NTRK1: variants seen among roughly 807,000 people sequenced by gnomAD.
NTRK1 encodes the protein neurotrophic receptor tyrosine kinase 1, also known as high affinity nerve growth factor receptor.
Under a neutral mutation model 86.8 loss-of-function variants are expected in NTRK1, and 62 were observed. The ratio of observed to expected loss-of-function variants is 0.71; its 90% confidence interval spans 0.58 to 0.88. The LOEUF (loss-of-function observed/expected upper bound fraction) is 0.88, where lower values mean the gene tolerates loss of function less well. NTRK1 is among the 40% of genes least tolerant of loss of function. The probability of loss-of-function intolerance (pLI) is 0.00; values close to 1 mark genes in which losing one functional copy is unlikely to be tolerated. For missense variants in NTRK1, 967 were observed against 1,078.4 expected, an observed-to-expected ratio of 0.90 and a Z score of 1.45; for synonymous variants, 469 against 456.6, an observed-to-expected ratio of 1.03 and a Z score of -0.35.
intron 1 of NTRK1, among the ~76,000 whole-genome samples, chr1:156,821,658 G>A (rs772146047): frequency 4.6e-5 from 7 of 152,230 alleles, no homozygotes; most frequent in South Asian, 2.1e-4. Context: ...CAATGTTACT[G>A]CATTGGCTAC....
intron 2 of NTRK1, chr1:156,851,491 G>A (rs781691038): frequency 2.5e-6 from 4 of 1,609,730 alleles, no homozygotes; most frequent in Non-Finnish European, 3.4e-6. Context: ...GGTCTGTGGG[G>A]CAAGGGGGCT....
Position 156,876,441 on chromosome 1 carries a change from G to T in NTRK1, c.1674G>T (p.Gln558His), listed in dbSNP as rs6334. 2 of 1,613,626 alleles carry T rather than the reference G, an allele frequency of 1.2e-6. No individual in the cohort carries two copies. Among genetic ancestry groups the T allele is most frequent in the Non-Finnish European group, 1.7e-6 (2 of 1,179,982 alleles). The change falls in exon 14 of 17, where the codon CAG becomes CAT. Residue 558 changes from glutamine (Q) to histidine (H), a missense_variant. Physicochemically the swap from Gln to His is conservative, Grantham distance 24. Coordinates refer to ENST00000524377, the MANE Select transcript of NTRK1 (RefSeq NM_002529.4). The part of the protein sequence containing the change: ...EASESARQDF[Q>H]REAELLTMLQ... ...CCGAGAGTGCTCGGCAGGACTTCCA[G>T]CGTGAGGCTGAGCTGCTCACCATGC...
chr1:156,867,119 A>C (rs545612373), intron 4 of NTRK1, 141 bp downstream of exon 4: 1 of 880,626 alleles, frequency 1.1e-6, no homozygotes, highest in South Asian at 1.4e-5. Context: ...CATGCCAGTG[A>C]AACCCCCATC....
intron 2 of NTRK1, chr1:156,851,250 G>A: frequency 1.9e-6 from 3 of 1,611,238 alleles, no homozygotes; most frequent in Non-Finnish European, 2.5e-6. Context: ...TTGGAGGAAG[G>A]AGTGTAATAG....
At chr1:156,820,341 G>T (rs1031955971) in intron 1 of NTRK1, among the ~76,000 whole-genome samples, 7 of 152,120 alleles carry the variant, frequency 4.6e-5, no homozygotes, top group African/African-American at 1.7e-4. Context: ...CAACCTCCCG[G>T]GCTCAAGTGA....
At chr1:156,842,460 T>C (rs1157280118) in intron 2 of NTRK1, 2 of 1,613,996 alleles carry the variant, frequency 1.2e-6, no homozygotes, top group Non-Finnish European at 1.7e-6. Context: ...ATTAACTCCA[T>C]GATGACCAGA....
At position 156,864,728 on chromosome 1, in the gene NTRK1, C is replaced by A. The variant is rs777518927; in HGVS notation, c.288C>A (p.Leu96=). 6.2e-6 allele frequency: 10 copies of A among 1,614,022 alleles called. No homozygotes were observed. The highest frequency in any genetic ancestry group is 8.5e-6 in the Non-Finnish European group (10 of 1,179,964). Residue 96 remains leucine (L), a splice_region_variant and synonymous_variant, in exon 3 of 17, where the codon CTC becomes CTA. Coordinates refer to ENST00000524377, the MANE Select transcript of NTRK1 (RefSeq NM_002529.4). ...DLRGLGELRN[L]TIVKSGLRFV... is the part of the protein sequence containing the mutation. ...CTGATCCTCCTGCACCCCTCCCCAG[C>A]ACCATCGTGAAGAGTGGTCTCCGTT...
Position 156,860,956 on chromosome 1 carries a change from G to C in NTRK1, c.22G>C (p.Gly8Arg). 6.7e-7 allele frequency: 1 copy of C among 1,502,802 alleles called. No homozygotes were observed. Among genetic ancestry groups the C allele is most frequent in the South Asian group, 1.2e-5 (1 of 80,148 alleles). 93.1% of individuals were successfully genotyped at this position (1,502,802 alleles called of 1,614,324 possible). Residue 8 changes from glycine (G) to arginine (R), a missense_variant, in exon 1 of 17, where the codon GGG becomes CGG. Around this residue, in one of 2 missense-constraint regions of NTRK1, gnomAD observed 330 missense variants for 302.0 expected, o/e 1.09. Transcript: ENST00000524377. ...CGCGATGCTGCGAGGCGGACGGCGC[G>C]GGCAGCTTGGCTGGCACAGCTGGGC... Reference protein sequence around the residue: MLRGGRRGQLGWHSWAAG... With the variant: MLRGGRRRQLGWHSWAAG...
chr1:156,876,466 C>G lies in NTRK1; in HGVS notation c.1699C>G (p.Leu567Val), dbSNP rs2102919437. The change falls in exon 14 of 17, where the codon CTG (leucine) becomes GTG (valine). Residue 567 changes from leucine to valine, a missense_variant. Physicochemically the swap from Leu to Val is conservative, Grantham distance 32 (BLOSUM62 1). This residue lies in a region of NTRK1 where 637 missense variants were observed against 776.5 expected (regional missense o/e 0.82). Transcript: ENST00000524377. ...GCGTGAGGCTGAGCTGCTCACCATG[C>G]TGCAGCACCAGCACATCGTGCGCTT... ...FQREAELLTM[L>V]QHQHIVRFFG... 1.2e-6 allele frequency: 2 copies of G among 1,613,870 alleles called. 1 individual carries two copies. The highest frequency in any genetic ancestry group is 2.2e-5 in the South Asian group (2 of 91,074).
At chr1:156,863,920 G>A (rs532980716) in intron 1 of NTRK1, among the ~76,000 whole-genome samples, 1 of 152,320 alleles carries the variant, frequency 6.6e-6, no homozygotes, top group South Asian at 2.1e-4. Context: ...TTGTGTGTGT[G>A]CACGTGAGAG....
Position 156,876,167 on chromosome 1 carries a change from A to G in NTRK1, c.1589A>G (p.His530Arg), listed in dbSNP as rs767309534. The change falls in exon 13 of 17, where the codon CAC becomes CGC. Residue 530 changes from histidine to arginine, a missense_variant. By Grantham distance (29) the His-to-Arg change is conservative. Coordinates refer to ENST00000524377, the MANE Select transcript of NTRK1 (RefSeq NM_002529.4). ...GGGAAGGTCTTCCTTGCTGAGTGCCACAACCTCCTGCCTGAGCAGGACAAG... is the reference window on the plus strand; with the variant it reads ...GGGAAGGTCTTCCTTGCTGAGTGCCGCAACCTCCTGCCTGAGCAGGACAAG... Reference protein sequence around the residue: ...AFGKVFLAECHNLLPEQDKML... With the variant: ...AFGKVFLAECRNLLPEQDKML... 1 of 1,614,166 alleles carries G rather than the reference A, an allele frequency of 6.2e-7. No homozygotes were observed. Among genetic ancestry groups the G allele is most frequent in the Non-Finnish European group, 8.5e-7 (1 of 1,180,028 alleles).
rs746257691 is a variant in NTRK1, at chr1:156,844,310, G to C, written c.50+2117G>C. On this transcript the variant is annotated intron_variant, in intron 2 of 16. Coordinates refer to the NTRK1 transcript ENST00000392302. ...CAGTCAGAGGGCAGCAGAGGGTAGA[G>C]TCAAAGATGTAGAAGTCAGAGGGAA... is the stretch of plus-strand genomic sequence containing the variant. 6.3e-6 allele frequency: 10 copies of C among 1,589,662 alleles called. No homozygotes were observed. The South Asian group carries it at 1.1e-4, about 18-fold the overall frequency.
At chr1:156,865,578 G>A (rs1459323968) in intron 3 of NTRK1, among the ~76,000 whole-genome samples, 3 of 152,182 alleles carry the variant, frequency 2.0e-5, no homozygotes, top group Non-Finnish European at 4.4e-5. Flanking sequence ...TCCTTGCTGT[G>A]CTTCTCTTTT....
At position 156,868,710 on chromosome 1, in the gene NTRK1, G is replaced by A. The variant is rs1322365761; in HGVS notation, c.717+63G>A. 1.9e-6 allele frequency: 3 copies of A among 1,539,138 alleles called. No individual in the cohort carries two copies. In the African/African-American group the frequency reaches 4.1e-5, roughly 21 times the overall value. On this transcript the variant is annotated intron_variant, in intron 6 of 16. Transcript: ENST00000524377. ...GGCAGAGCACAGGGGACAAAGATGG[G>A]GAAAGAGAGACACACTGTGGAGGAA... is the stretch of plus-strand genomic sequence containing the variant.
In NTRK1 at chr1:156,881,330, A is replaced by T. The variant is rs1293042342; in HGVS notation, c.2206-127A>T. 8 of 830,220 alleles carry T rather than the reference A, an allele frequency of 9.6e-6. No homozygotes were observed. The African/African-American group carries it at 1.4e-4, about 15-fold the overall frequency. 51.4% of individuals were successfully genotyped at this position (830,220 alleles called of 1,614,324 possible). On this transcript the variant is annotated intron_variant, in intron 16 of 16. Transcript: ENST00000524377. The stretch of plus-strand genomic sequence containing the variant: ...GTTGACTGTGTCCATTCGGGTTATT[A>T]GCAGCTAAGAAGCCCAGACGAGTAG...
At chr1:156,840,642 T>C in intron 1 of NTRK1, 1 of 581,140 alleles carries the variant, frequency 1.7e-6, no homozygotes, top group Non-Finnish European at 3.1e-6. Flanking sequence ...TCTCTACTCC[T>C]CTGGCTTTGA....
At chr1:156,822,732 G>A (rs1429789202) in intron 1 of NTRK1, among the ~76,000 whole-genome samples, 2 of 151,592 alleles carry the variant, frequency 1.3e-5, no homozygotes, top group Admixed American at 1.3e-4. Context: ...CCTTCATCTA[G>A]TTTGAGTTGT....
Position 156,854,096 on chromosome 1 carries a change from AAGAGGTCGC to A in NTRK1, c.51-10257_51-10249del, listed in dbSNP as rs1409749124. On this transcript the variant is annotated intron_variant, in intron 2 of 16. Coordinates refer to the NTRK1 transcript ENST00000392302. The surrounding 1 kb of genome is among the most constrained non-coding windows in gnomAD (Gnocchi z 4.2). ...CCCGCGGATGACTGCTAGGTTGGGG[AAGAGGTCGC>A]GCAGGCTCTCCAGTCCGTAGACACG... 6.2e-7 allele frequency: 1 copy of A among 1,614,104 alleles called. No individual in the cohort carries two copies. Among genetic ancestry groups the A allele is most frequent in the East Asian group, 2.2e-5 (1 of 44,892 alleles).
intron 1 of NTRK1, among the ~76,000 whole-genome samples, chr1:156,828,999 T>C (rs1307487401): frequency 6.6e-6 from 1 of 152,218 alleles, no homozygotes; most frequent in Non-Finnish European, 1.5e-5. Flanking sequence ...GGAGCCCTCC[T>C]TTGATGTAGC....
Sources: gnomAD v4.1 joint callset for allele counts (sites outside exome capture counted in the v4.1 genomes callset) on GRCh38, gnomAD v4.1.1 for gene constraint, gnomAD v4.1.1 regional missense constraint, Gnocchi (gnomAD v3.1) non-coding constraint, MANE v1.5 for transcripts, NCBI Gene and HGNC (gene_info 2026-07-23, HGNC 2026-07-21) for gene names.